Variants in FHIT observed in about 807,000 individuals in gnomAD.
FHIT encodes fragile histidine triad diadenosine triphosphatase.
Under a neutral mutation model 17.9 loss-of-function variants are expected in FHIT, and 19 were observed. The observed-to-expected ratio is 1.06, with a 90% confidence interval of 0.74 to 1.56. The LOEUF is 1.56. Among genes scored for constraint, FHIT ranks in the 40% most tolerant of loss-of-function variants. The pLI is 0.00. For synonymous variants in FHIT, 81 were observed against 69.7 expected (o/e 1.16, Z -0.81); for missense variants, 248 against 189.2 (o/e 1.31, Z -1.82).
At chr3:60,468,714 A>T (rs1190330067) in intron 5 of FHIT, among the ~76,000 whole-genome samples, 1 of 152,138 alleles carries the variant, frequency 6.6e-6, no homozygotes, top group Non-Finnish European at 1.5e-5. Flanking sequence ...AGTAGTTTAC[A>T]TACTACAATA....
intron 5 of FHIT, among the ~76,000 whole-genome samples, chr3:60,389,992 G>A (rs543794650): frequency 7.9e-5 from 12 of 152,164 alleles, no homozygotes; most frequent in African/African-American, 9.6e-5. Flanking sequence ...CTCTGAAAAC[G>A]CTTTTCACAC....
At chr3:60,857,501 C>A (rs1191092298) in intron 3 of FHIT, among the ~76,000 whole-genome samples, 1 of 152,000 alleles carries the variant, frequency 6.6e-6, no homozygotes, top group East Asian at 1.9e-4. Flanking sequence ...AAAAGCTTTT[C>A]AATAAGGGTT....
intron 5 of FHIT, among the ~76,000 whole-genome samples, chr3:60,120,700 GGCAAGTTTTGGAAACTA>G (rs1705208579): frequency 6.6e-6 from 1 of 152,078 alleles, no homozygotes; most frequent in Admixed American, 6.5e-5. Context: ...TTCAGCAATA[GGCAAGTTTTGGAAACTA>G]GCAAGTTTCA....
At chr3:59,992,370 G>A (rs993622665) in intron 7 of FHIT, among the ~76,000 whole-genome samples, 1 of 152,142 alleles carries the variant, frequency 6.6e-6, no homozygotes, top group Admixed American at 6.6e-5. Flanking sequence ...ATAGATGCCC[G>A]TTTTAATTTA....
chr3:60,631,031 G>T (rs2039428139), intron 4 of FHIT, among the ~76,000 whole-genome samples: 1 of 150,430 alleles, frequency 6.6e-6, no homozygotes, highest in African/African-American at 2.4e-5. Flanking sequence ...ACCTGGCCAA[G>T]TACAGCCTGT....
At chr3:60,001,406 C>G (rs972511226) in intron 7 of FHIT, among the ~76,000 whole-genome samples, 2 of 152,080 alleles carry the variant, frequency 1.3e-5, no homozygotes, top group East Asian at 1.9e-4. Context: ...GTTCTCAGAG[C>G]CTGTGACGAT....
intron 5 of FHIT, among the ~76,000 whole-genome samples, chr3:60,162,322 T>G (rs12629117): frequency 0.19 from 28,748 of 152,168 alleles, 3,451 homozygotes; most frequent in East Asian, 0.34. Flanking sequence ...TTTTCTATAG[T>G]CACCTGCCTA....
At chr3:60,952,071 C>T (rs1553777351) in intron 3 of FHIT, among the ~76,000 whole-genome samples, 1 of 151,550 alleles carries the variant, frequency 6.6e-6, no homozygotes, top group African/African-American at 2.4e-5. Flanking sequence ...GAGGCTGAGG[C>T]AGGAGAATTG....
intron 3 of FHIT, among the ~76,000 whole-genome samples, chr3:60,995,198 G>C (rs1337529268): frequency 6.6e-6 from 1 of 151,996 alleles, no homozygotes; most frequent in African/African-American, 2.4e-5. Flanking sequence ...GCAGGCGCCT[G>C]AGTCCCAGCT....
chr3:60,941,834 G>A (rs1708419162), intron 3 of FHIT, among the ~76,000 whole-genome samples: 1 of 152,030 alleles, frequency 6.6e-6, no homozygotes, highest in African/African-American at 2.4e-5. Context: ...CCACCTTCTA[G>A]CCTGGATAAT....
intron 4 of FHIT, among the ~76,000 whole-genome samples, chr3:60,552,248 G>C (rs916459241): frequency 6.6e-6 from 1 of 152,112 alleles, no homozygotes; most frequent in Admixed American, 6.5e-5. Context: ...ATGGACATTT[G>C]TTACTACATT....
intron 3 of FHIT, among the ~76,000 whole-genome samples, chr3:60,995,515 A>G (rs1374043179): frequency 6.6e-6 from 1 of 152,148 alleles, no homozygotes; most frequent in African/African-American, 2.4e-5. Context: ...TTCATGCTGT[A>G]GGAACACAGT....
At position 60,735,259 on chromosome 3, in the gene FHIT, A is replaced by T. The variant is rs550949155; in HGVS notation, c.-18+86660T>A. On this transcript the variant is annotated intron_variant, in intron 4 of 9. Transcript: ENST00000492590. ...CTGCATAGCACAATGGACATCTATG[A>T]GTTTCACTTGTGCTAGCATGCATTC... Among the ~76,000 whole-genome samples the T allele has an allele frequency of 5.3e-5, 8 of 152,320 alleles. No individual in the cohort carries two copies. The South Asian group carries it at 8.3e-4, about 16-fold the overall frequency.
intron 3 of FHIT, among the ~76,000 whole-genome samples, chr3:61,024,246 G>A (rs1004665980): frequency 1.3e-5 from 2 of 152,094 alleles, no homozygotes; most frequent in African/African-American, 4.8e-5. Context: ...AGAAAGCAAA[G>A]CTTCAAAGGA....
intron 5 of FHIT, among the ~76,000 whole-genome samples, chr3:60,095,344 TTTACCAAACCTTCTC>T (rs1376627254): frequency 2.0e-5 from 3 of 152,192 alleles, no homozygotes; most frequent in Non-Finnish European, 4.4e-5. Context: ...ATTGGAAGGT[TTTACCAAACCTTCTC>T]TATTTATTCT....
At chr3:61,146,701 A>G (rs145451971) in intron 2 of FHIT, among the ~76,000 whole-genome samples, 82 of 152,158 alleles carry the variant, frequency 5.4e-4, no homozygotes, top group African/African-American at 1.9e-3. Context: ...AGCACCAATC[A>G]TTAGGCAAAA....
At chr3:60,942,297 A>G (rs1553774746) in intron 3 of FHIT, among the ~76,000 whole-genome samples, 3 of 152,216 alleles carry the variant, frequency 2.0e-5, no homozygotes, top group African/African-American at 7.2e-5. Flanking sequence ...GTATCCACAA[A>G]TATTAATTGA....
At chr3:60,407,894 T>C (rs1289552852) in intron 5 of FHIT, among the ~76,000 whole-genome samples, 8 of 152,184 alleles carry the variant, frequency 5.3e-5, no homozygotes, top group African/African-American at 1.9e-4. Flanking sequence ...TTCCCTTTGA[T>C]GAACTGTTGA....
At chr3:59,831,137 C>T (rs2106703969) in intron 8 of FHIT, among the ~76,000 whole-genome samples, 1 of 152,234 alleles carries the variant, frequency 6.6e-6, no homozygotes, top group Non-Finnish European at 1.5e-5. Context: ...TTGAGAAGAG[C>T]TGAAACAGTG....
Sources: gnomAD v4.1 joint callset for allele counts (sites outside exome capture counted in the v4.1 genomes callset) on GRCh38, gnomAD v4.1.1 for gene constraint, MANE v1.5 for transcripts, NCBI Gene and HGNC (gene_info 2026-07-23, HGNC 2026-07-21) for gene names.